The following CATSPERB variants were observed in gnomAD, a reference collection of about 807,000 sequenced individuals.
CATSPERB encodes catsper channel auxiliary subunit beta.
In CATSPERB, 93 loss-of-function variants were observed where a neutral mutation model predicts 128.3. The observed-to-expected ratio is 0.72, with a 90% CI of 0.61 to 0.86. CATSPERB has a LOEUF of 0.86. CATSPERB is among the 40% of genes least tolerant of loss of function. CATSPERB has a pLI of 0.00. For missense variants in CATSPERB, 1,153 were observed against 1,329.5 expected, an observed-to-expected ratio of 0.87 and a Z score of 2.06; for synonymous variants, 381 against 448.8, an observed-to-expected ratio of 0.85 and a Z score of 1.91.
At position 91,589,565 on chromosome 14, in the gene CATSPERB, A is replaced by C; in HGVS notation, c.2925T>G (p.Thr975=). The C allele has an allele frequency of 6.2e-6, 10 of 1,613,884 alleles. No homozygotes were observed. Among genetic ancestry groups the C allele is most frequent in the Non-Finnish European group, 8.5e-6 (10 of 1,179,848 alleles). Residue 975 remains threonine (T), a synonymous_variant, in exon 24 of 27, where the codon ACT becomes ACG. Transcript: ENST00000256343. The part of the protein sequence containing the change: ...PLQSPYLVTV[T]EVNMRHNWKL... Reference sequence around the variant, plus strand: ...TCCAGTTGTGCCTCATGTTCACTTCAGTCACAGTAACCAGATATGGAGATT... The same window carrying C: ...TCCAGTTGTGCCTCATGTTCACTTCCGTCACAGTAACCAGATATGGAGATT...
At chr14:91,725,231 A>G in intron 2 of CATSPERB, 63 bp from the exon 3 acceptor site, 1 of 663,336 alleles carries the variant, frequency 1.5e-6, no homozygotes, top group Non-Finnish European at 2.3e-6. Context: ...AAAAAGTACC[A>G]TGTTTCTAAA....
At chr14:91,587,304 A>C (rs747654691) in intron 25 of CATSPERB, 28 bp from the exon 26 acceptor site, 3 of 1,552,868 alleles carry the variant, frequency 1.9e-6, no homozygotes, top group Non-Finnish European at 2.6e-6. Context: ...CCCAGTTGTT[A>C]GCAGCATCAA....
chr14:91,667,400 A>G (rs931110732), intron 14 of CATSPERB, among the ~76,000 whole-genome samples: 1 of 152,234 alleles, frequency 6.6e-6, no homozygotes, highest in Middle Eastern at 3.2e-3. Context: ...AAAGTCAGAT[A>G]GAAAGAAAGA....
chr14:91,604,298 G>A (rs1893660831), intron 22 of CATSPERB: 1 of 712,254 alleles, frequency 1.4e-6, no homozygotes, highest in East Asian at 2.4e-5. Context: ...ACCAGAACAT[G>A]TGGTTTCCAA....
rs537952131 is a variant in CATSPERB at position 91,630,861 on chromosome 14, C to T, written c.1742+5564G>A. ...AGAAAATTTACACTCTTCCTGCATC[C>T]TATAATACCGTCTATGATCTGGCAC... On this transcript the variant is annotated intron_variant, in intron 17 of 26. Coordinates refer to ENST00000256343, the MANE Select transcript of CATSPERB (RefSeq NM_024764.4). Among the ~76,000 whole-genome samples, 7 of 152,274 alleles carry T rather than the reference C, an allele frequency of 4.6e-5. No homozygotes were observed. In the South Asian group the frequency reaches 1.2e-3, roughly 27 times the overall value.
intron 17 of CATSPERB, among the ~76,000 whole-genome samples, chr14:91,626,447 C>T (rs776769315): frequency 6.8e-6 from 1 of 146,744 alleles, no homozygotes; most frequent in East Asian, 2.3e-4. Context: ...TCACTGCAAC[C>T]TGAGAGGTGG....
In CATSPERB at chr14:91,683,934, C is replaced by T. The variant is rs1895329638; in HGVS notation, c.874G>A (p.Val292Met). The stretch of plus-strand genomic sequence containing the variant: ...TCATTATACCACAGTTTTCCTTTCA[C>T]ATAGTCAACCTACATAAATAAATAA... ...DFCGFERVDY[V>M]KGKLWYNERC... The change falls in exon 11 of 27, where the codon GTG becomes ATG. Residue 292 changes from valine (V) to methionine (M), a missense_variant. By Grantham distance (21) the Val-to-Met change is conservative. Transcript: ENST00000256343. The T allele has an allele frequency of 6.3e-7, 1 of 1,592,616 alleles. No homozygotes were observed.
At chr14:91,630,818 T>A (rs1894261905) in intron 17 of CATSPERB, among the ~76,000 whole-genome samples, 1 of 152,228 alleles carries the variant, frequency 6.6e-6, no homozygotes, top group Non-Finnish European at 1.5e-5. Context: ...TCTCCAATGG[T>A]TTCTGCTGAC....
chr14:91,632,987 C>T (rs1456728174), intron 17 of CATSPERB, among the ~76,000 whole-genome samples: 2 of 152,138 alleles, frequency 1.3e-5, no homozygotes, highest in Non-Finnish European at 2.9e-5. Flanking sequence ...TTTGTACAAA[C>T]AGACCTTGTT....
At chr14:91,630,864 T>C (rs1566711002) in intron 17 of CATSPERB, among the ~76,000 whole-genome samples, 1 of 152,226 alleles carries the variant, frequency 6.6e-6, no homozygotes, top group African/African-American at 2.4e-5. Flanking sequence ...CTGCATCCTA[T>C]AATACCGTCT....
chr14:91,673,699 A>T (rs1459520897), intron 12 of CATSPERB, among the ~76,000 whole-genome samples: 1 of 152,184 alleles, frequency 6.6e-6, no homozygotes, highest in African/African-American at 2.4e-5. Context: ...CCTGGCCAAC[A>T]TGGTGAAACC....
chr14:91,691,403 C>T, intron 10 of CATSPERB, 120 bp downstream of exon 10: 1 of 528,910 alleles, frequency 1.9e-6, no homozygotes. Context: ...TTTGTTTAAA[C>T]TATAAATAAT....
chr14:91,613,127 G>A (rs904166056), intron 20 of CATSPERB, among the ~76,000 whole-genome samples: 1 of 152,080 alleles, frequency 6.6e-6, no homozygotes, highest in Admixed American at 6.5e-5. Flanking sequence ...CATTATGTGG[G>A]AGATAACATA....
rs376103072 is a variant in CATSPERB, at chr14:91,639,105, A to G, written c.1578T>C (p.Leu526=). Residue 526 remains leucine, a synonymous_variant, in exon 16 of 27, where the codon CTT becomes CTC. Coordinates refer to ENST00000256343, the MANE Select transcript of CATSPERB (RefSeq NM_024764.4). ...TGCATTATATACTGACCTGTCCAAA[A>G]AGATTTCTAGAATTTCCAAAGGCTG... is the stretch of plus-strand genomic sequence containing the variant. The part of the protein sequence containing the change: ...PPTAFGNSRN[L]FGQPPDMGFE... The G allele has an allele frequency of 1.1e-5, 18 of 1,613,808 alleles. No individual in the cohort carries two copies. In the East Asian group the frequency reaches 3.6e-4, roughly 32 times the overall value.
At chr14:91,649,822 A>G (rs2139813940) in intron 15 of CATSPERB, among the ~76,000 whole-genome samples, 1 of 151,842 alleles carries the variant, frequency 6.6e-6, no homozygotes, top group African/African-American at 2.4e-5. Flanking sequence ...CTTGTCTTTT[A>G]AATTCTTGAT....
intron 14 of CATSPERB, among the ~76,000 whole-genome samples, chr14:91,665,522 T>C (rs1052201262): frequency 1.3e-5 from 2 of 152,128 alleles, no homozygotes; most frequent in Non-Finnish European, 2.9e-5. Context: ...GCAAATTGTG[T>C]TCCTCTTATA....
At chr14:91,592,072 C>G (rs1309270922) in intron 22 of CATSPERB, 70 bp from the exon 23 acceptor site, 1 of 910,208 alleles carries the variant, frequency 1.1e-6, no homozygotes, top group East Asian at 2.4e-5. Context: ...TGATAAATAT[C>G]TAATAAATAT....
chr14:91,663,318 CT>C (rs1379938839), intron 14 of CATSPERB, among the ~76,000 whole-genome samples: 1 of 152,082 alleles, frequency 6.6e-6, no homozygotes, highest in African/African-American at 2.4e-5. Flanking sequence ...GAATGTTTAA[CT>C]TGACCCAAAT....
At chr14:91,688,890 C>T (rs771966914) in intron 10 of CATSPERB, among the ~76,000 whole-genome samples, 4 of 150,326 alleles carry the variant, frequency 2.7e-5, no homozygotes, top group African/African-American at 4.9e-5. Flanking sequence ...AAAATGTTCT[C>T]GTTCAATTGT....
Sources: allele counts gnomAD v4.1 joint callset (sites outside exome capture counted in the v4.1 genomes callset), GRCh38; gene constraint gnomAD v4.1.1; transcripts MANE v1.5; gene names NCBI Gene and HGNC (gene_info 2026-07-23, HGNC 2026-07-21).